Variants in BCCIP observed in about 807,000 individuals in gnomAD.
BCCIP encodes the protein BRCA2 and CDKN1A interacting protein.
Under a neutral mutation model 32.8 loss-of-function variants are expected in BCCIP, and 23 were observed. The observed-to-expected ratio is 0.70, with a 90% CI of 0.51 to 0.99. BCCIP has a LOEUF of 0.99. BCCIP is among the 50% of genes least tolerant of loss of function. The probability of loss-of-function intolerance (pLI) is 0.00; values close to 1 mark genes in which losing one functional copy is unlikely to be tolerated. For missense variants in BCCIP, 378 were observed against 379.8 expected (o/e 1.00, Z 0.04); for synonymous variants, 144 against 137.6 (o/e 1.05, Z -0.33).
At chr10:125,842,163 G>A in exon 7 of BCCIP, 1 of 548,786 alleles carries the variant, frequency 1.8e-6, no homozygotes, top group Non-Finnish European at 2.9e-6. Flanking sequence ...GAGGGTCCCA[G>A]CTGCAGTGTG....
chr10:125,847,134 CAT>C (rs1276919238), downstream of BCCIP, among the ~76,000 whole-genome samples: 1 of 150,888 alleles, frequency 6.6e-6, no homozygotes, highest in East Asian at 2.0e-4. Flanking sequence ...GCTAACTACT[CAT>C]ATAGAAAACA....
intron 2 of BCCIP, 106 bp from the exon 3 acceptor site, chr10:125,827,452 C>G: frequency 1.4e-6 from 1 of 731,216 alleles, no homozygotes; most frequent in Non-Finnish European, 2.2e-6. Context: ...TCTAGATCAT[C>G]ATCTTAAGTC....
At chr10:125,840,350 C>T (rs1275695759), downstream of BCCIP, among the ~76,000 whole-genome samples, 2 of 152,252 alleles carry the variant, frequency 1.3e-5, no homozygotes, top group African/African-American at 4.8e-5. Context: ...CTGCTCTCCT[C>T]TATCAAGCTC....
downstream of BCCIP, chr10:125,841,189 G>GTT (rs2134026620): frequency 7.1e-7 from 1 of 1,406,066 alleles, no homozygotes; most frequent in Non-Finnish European, 1.0e-6. Flanking sequence ...CTCTCCTTTT[G>GTT]TGTGTGTGTG....
At chr10:125,851,351 C>G (rs889938970) in intron 7 of BCCIP, among the ~76,000 whole-genome samples, 2 of 152,192 alleles carry the variant, frequency 1.3e-5, no homozygotes, top group Non-Finnish European at 2.9e-5. Context: ...CAGTTATCAG[C>G]TTTAAGCCTC....
downstream of BCCIP, chr10:125,839,214 T>C: frequency 6.2e-7 from 1 of 1,606,536 alleles, no homozygotes; most frequent in Non-Finnish European, 8.5e-7. Context: ...CACAAGGCTA[T>C]TTAGAAATGA....
intron 7 of BCCIP, chr10:125,852,461 A>T: frequency 6.2e-7 from 1 of 1,613,920 alleles, no homozygotes; most frequent in Non-Finnish European, 8.5e-7. Flanking sequence ...CCTAAAAGAC[A>T]CCAAGAAAAA....
chr10:125,838,304 G>A, downstream of BCCIP: 1 of 1,613,932 alleles, frequency 6.2e-7, no homozygotes, highest in Non-Finnish European at 8.5e-7. Flanking sequence ...TGGTGATTGA[G>A]TAACCAGACA....
chr10:125,827,593 A>G lies in BCCIP; in HGVS notation c.276A>G (p.Leu92=), dbSNP rs1226863321. Residue 92 remains leucine (L), a synonymous_variant, in exon 3 of 7, where the codon CTA becomes CTG. Transcript: ENST00000278100. ...FLKAPVNTAE[L]TDLLIQQNHI... ...AGGCTCCTGTGAACACTGCAGAACT[A>G]ACAGATCTCTTAATTCAACAGAACC... 1 of 1,613,294 alleles carries G rather than the reference A, an allele frequency of 6.2e-7. No individual in the cohort carries two copies. The highest frequency in any genetic ancestry group is 8.5e-7 in the Non-Finnish European group (1 of 1,179,240).
downstream of BCCIP, among the ~76,000 whole-genome samples, chr10:125,845,818 C>A (rs1458078252): frequency 1.3e-5 from 2 of 152,250 alleles, no homozygotes; most frequent in African/African-American, 4.8e-5. Context: ...CCAGTGCCAC[C>A]CGCACCGTGA....
intron 6 of BCCIP, 90 bp from the exon 7 acceptor site, chr10:125,836,014 T>C: frequency 1.7e-6 from 2 of 1,201,950 alleles, no homozygotes; most frequent in Middle Eastern, 2.0e-4. Flanking sequence ...TTTAAGCATA[T>C]GCCAAACGTA....
Position 125,833,866 on chromosome 10 carries a change from A to G in BCCIP, c.694A>G (p.Asn232Asp), listed in dbSNP as rs574132957. Residue 232 changes from asparagine (N) to aspartate (D), a missense_variant, in exon 6 of 7, where the codon AAC (asparagine) becomes GAC (aspartate). By Grantham distance (23) the Asn-to-Asp change is conservative. Coordinates refer to ENST00000278100, the MANE Select transcript of BCCIP (RefSeq NM_078468.3). ...ISKTFVEAGK[N>D]NSKKKPSNKK... is the part of the protein sequence containing the mutation. ...TAAGACATTTGTGGAAGCAGGAAAA[A>G]ACAATTCCAAAAAGAAACCTAGCAA... The G allele has an allele frequency of 9.5e-5, 153 of 1,614,242 alleles. 1 individual carries two copies. In the South Asian group the frequency reaches 1.6e-3, roughly 17 times the overall value.
chr10:125,853,111 G>T (rs371843422), intron 7 of BCCIP: 78 of 1,576,992 alleles, frequency 4.9e-5, no homozygotes, highest in Non-Finnish European at 6.6e-5. Flanking sequence ...CACTAACAAT[G>T]ATTTTCCTTA....
In BCCIP at chr10:125,833,935, T is replaced by G. The variant is rs1371407532; in HGVS notation, c.763T>G (p.Phe255Val). ...ALMFANAEEE[F>V]FYEKAILKFN... The stretch of plus-strand genomic sequence containing the variant: ...AATGTTTGCAAATGCAGAGGAAGAA[T>G]TTTTCTATGAGGTAAGACTATCCTG... The change falls in exon 6 of 7, where the codon TTT becomes GTT. Residue 255 changes from phenylalanine to valine, a missense_variant. By Grantham distance (50) the Phe-to-Val change is conservative. Coordinates refer to ENST00000278100, the MANE Select transcript of BCCIP (RefSeq NM_078468.3). 46 of 1,614,196 alleles carry G rather than the reference T, an allele frequency of 2.8e-5. No homozygotes were observed. Among genetic ancestry groups the G allele is most frequent in the Non-Finnish European group, 3.6e-5 (43 of 1,180,016 alleles).
At chr10:125,829,354 TC>T (rs1423341134) in intron 3 of BCCIP, among the ~76,000 whole-genome samples, 4 of 152,226 alleles carry the variant, frequency 2.6e-5, no homozygotes, top group East Asian at 1.9e-4. Context: ...TTTTTCCTGT[TC>T]CTAGCACCTG....
At chr10:125,828,682 G>A (rs1009532536) in intron 3 of BCCIP, among the ~76,000 whole-genome samples, 1 of 152,186 alleles carries the variant, frequency 6.6e-6, no homozygotes, top group Non-Finnish European at 1.5e-5. Context: ...TGGGTTATCT[G>A]TTGTTTGTAT....
chr10:125,824,554 A>T (rs2134002777), intron 1 of BCCIP, among the ~76,000 whole-genome samples: 1 of 152,216 alleles, frequency 6.6e-6, no homozygotes, highest in East Asian at 1.9e-4. Flanking sequence ...CCCTTTCCTC[A>T]TCCTATATCC....
At chr10:125,837,005 G>A (rs1448497421), downstream of BCCIP, 1 of 679,300 alleles carries the variant, frequency 1.5e-6, no homozygotes, top group Non-Finnish European at 2.4e-6. Context: ...GTCCGACTTT[G>A]TAAAATAAAT....
At chr10:125,852,356 C>T (rs17153669) in intron 7 of BCCIP, 2 of 1,614,196 alleles carry the variant, frequency 1.2e-6, no homozygotes, top group East Asian at 4.5e-5. Context: ...ATAAAAAGCA[C>T]CATGCTTGTT....
Sources: allele counts gnomAD v4.1 joint callset (sites outside exome capture counted in the v4.1 genomes callset), GRCh38; gene constraint gnomAD v4.1.1; transcripts MANE v1.5; gene names NCBI Gene and HGNC (gene_info 2026-07-23, HGNC 2026-07-21).